The following RPH3A variants were observed in gnomAD, a reference collection of about 807,000 sequenced individuals.
The protein encoded by RPH3A is rabphilin 3A.
In RPH3A, 48 loss-of-function variants were observed where a neutral mutation model predicts 102.2. The observed-to-expected ratio is 0.47, with a 90% CI of 0.37 to 0.60. The LOEUF is 0.60. RPH3A is among the 20% of genes least tolerant of loss of function. RPH3A has a pLI of 0.00. For synonymous variants in RPH3A, 310 were observed against 324.3 expected (o/e 0.96, Z 0.47); for missense variants, 781 against 910.1 (o/e 0.86, Z 1.83).
chr12:112,897,107 A>T lies in RPH3A; in HGVS notation c.*327A>T. 3.6e-6 allele frequency: 1 copy of T among 280,390 alleles called. No homozygotes were observed. The highest frequency in any genetic ancestry group is 4.6e-5 in the South Asian group (1 of 21,568). 17.4% of individuals were successfully genotyped at this position (280,390 alleles called of 1,614,324 possible). Reference sequence around the variant, plus strand: ...TTACAAAGGTTCTTCATCATTTAGGACTGTTTTTAGACCCTCCTAGCCTTG... The same window carrying T: ...TTACAAAGGTTCTTCATCATTTAGGTCTGTTTTTAGACCCTCCTAGCCTTG... On this transcript the variant is annotated 3_prime_UTR_variant, in exon 22 of 22. Transcript: ENST00000389385.
At chr12:112,870,543 A>G (rs2042691268) in intron 10 of RPH3A, among the ~76,000 whole-genome samples, 1 of 152,076 alleles carries the variant, frequency 6.6e-6, no homozygotes. Context: ...GCCCATTGGT[A>G]GGGGTCATGG....
intron 1 of RPH3A, among the ~76,000 whole-genome samples, chr12:112,716,990 A>G (rs1341231445): frequency 2.0e-5 from 3 of 152,100 alleles, no homozygotes; most frequent in Admixed American, 2.0e-4. Context: ...GCAAACATCA[A>G]TCGCTGTGGA....
intron 1 of RPH3A, among the ~76,000 whole-genome samples, chr12:112,656,834 C>A (rs1040336134): frequency 6.6e-6 from 1 of 151,440 alleles, no homozygotes; most frequent in Admixed American, 6.6e-5. Context: ...TCCACATTTT[C>A]TTTATCCAAT....
chr12:112,894,766 C>T (rs1379707255), intron 20 of RPH3A, 107 bp downstream of exon 20: 7 of 879,524 alleles, frequency 8.0e-6, no homozygotes, highest in Non-Finnish European at 1.0e-5. Context: ...CCATTAAATG[C>T]AGCCATTTGA....
At chr12:112,751,757 T>C (rs1179936275) in intron 1 of RPH3A, among the ~76,000 whole-genome samples, 2 of 152,168 alleles carry the variant, frequency 1.3e-5, no homozygotes, top group Non-Finnish European at 2.9e-5. Flanking sequence ...TCCTATTTTT[T>C]AGAAAAGGTT....
chr12:112,608,495 T>C (rs747539067), intron 1 of RPH3A, among the ~76,000 whole-genome samples: 9 of 152,236 alleles, frequency 5.9e-5, no homozygotes, highest in Non-Finnish European at 1.2e-4. Flanking sequence ...TCATATATTG[T>C]GCTTTGGGGG....
chr12:112,786,764 T>G (rs2041054738), upstream of RPH3A, among the ~76,000 whole-genome samples: 1 of 152,222 alleles, frequency 6.6e-6, no homozygotes, highest in Admixed American at 6.5e-5. Context: ...CTTCTTAATG[T>G]AGGGTCCCCT....
intron 1 of RPH3A, among the ~76,000 whole-genome samples, chr12:112,772,186 C>T (rs1414541029): frequency 1.3e-5 from 2 of 152,174 alleles, no homozygotes; most frequent in African/African-American, 4.8e-5. Context: ...TGTTCTGATG[C>T]AAATCCATGT....
At chr12:112,864,880 G>A (rs2269872) in intron 5 of RPH3A, among the ~76,000 whole-genome samples, 47,139 of 152,020 alleles carry the variant, frequency 0.31, 8,215 homozygotes, top group East Asian at 0.49. Flanking sequence ...GTCATTGAAT[G>A]TCAGGAGAGG....
chr12:112,814,305 A>G (rs1293505135), intron 2 of RPH3A, among the ~76,000 whole-genome samples: 1 of 152,094 alleles, frequency 6.6e-6, no homozygotes, highest in African/African-American at 2.4e-5. Context: ...TTTTAACCAC[A>G]TATAAGAGAG....
rs1475422966 is a variant in RPH3A, at chr12:112,713,056, T to C, written c.-139-79087T>C. On this transcript the variant is annotated intron_variant, in intron 1 of 21. Coordinates refer to the RPH3A transcript ENST00000543106. ...CTTCTTCTTCTTCTTCTTCTCCTTCTTCTTCTTCTTCTTCTTCTTCTTCTT... is the reference window on the plus strand; with the variant it reads ...CTTCTTCTTCTTCTTCTTCTCCTTCCTCTTCTTCTTCTTCTTCTTCTTCTT... Among the ~76,000 whole-genome samples, 15 of 85,948 alleles carry C rather than the reference T, an allele frequency of 1.7e-4. 1 individual carries two copies. The highest frequency in any genetic ancestry group is 4.5e-4 in the African/African-American group (14 of 31,086). 56.4% of individuals were successfully genotyped at this position (85,948 alleles called of 152,430 possible).
chr12:112,829,055 A>G (rs1001493566), intron 3 of RPH3A, among the ~76,000 whole-genome samples: 2 of 152,194 alleles, frequency 1.3e-5, no homozygotes, highest in African/African-American at 4.8e-5. Context: ...TACTTTGGGC[A>G]TTTCTGTTAC....
At position 112,709,244 on chromosome 12, in the gene RPH3A, A is replaced by G. The variant is rs1465645115; in HGVS notation, c.-139-82899A>G. 7.2e-5 allele frequency among the ~76,000 whole-genome samples: 11 copies of G among 152,354 alleles called. No homozygotes were observed. In the East Asian group the frequency reaches 2.1e-3, roughly 29 times the overall value. ...AGTAAATACTTTTAATAATAAAAGT[A>G]GCTATTTAAAAATATTTACTCTTGG... On this transcript the variant is annotated intron_variant, in intron 1 of 21. Coordinates refer to the RPH3A transcript ENST00000543106.
At chr12:112,588,723 C>T (rs1474869739) in intron 1 of RPH3A, among the ~76,000 whole-genome samples, 1 of 152,220 alleles carries the variant, frequency 6.6e-6, no homozygotes, top group African/African-American at 2.4e-5. Flanking sequence ...TTCTCCAAGG[C>T]CAGTTAAGCC....
Position 112,841,173 on chromosome 12 carries a change from T to TAAAAA in RPH3A, c.83+4688_83+4692dup, listed in dbSNP as rs11447068. ...GGCAACATAACAAGACCTTGTTTCT[T>TAAAAA]AAAAAAAAAAAAAAAAAAAAAGCCT... On this transcript the variant is annotated intron_variant, in intron 4 of 21. Transcript: ENST00000389385. Among the ~76,000 whole-genome samples the TAAAAA allele has an allele frequency of 3.3e-4, 11 of 33,350 alleles. 1 individual carries two copies. The highest frequency in any genetic ancestry group is 8.3e-4 in the African/African-American group (6 of 7,222). 21.9% of individuals were successfully genotyped at this position (33,350 alleles called of 152,430 possible).
chr12:112,777,228 G>A (rs1441528715), intron 1 of RPH3A, among the ~76,000 whole-genome samples: 1 of 152,186 alleles, frequency 6.6e-6, no homozygotes, highest in Non-Finnish European at 1.5e-5. Flanking sequence ...AGGTTTACAG[G>A]AGGCACTCAG....
Position 112,854,285 on chromosome 12 carries a change from T to G in RPH3A, c.230+6443T>G, listed in dbSNP as rs375426629. Among the ~76,000 whole-genome samples, 37 of 152,356 alleles carry G rather than the reference T, an allele frequency of 2.4e-4. 1 individual carries two copies. Among genetic ancestry groups the G allele is most frequent in the South Asian group, 1.9e-3 (9 of 4,830 alleles). ...TTGAGAACCACTGCTCTAGCCCTTTTGTTGGTGGAGAAGGAATGGGAGATG... is the reference window on the plus strand; with the variant it reads ...TTGAGAACCACTGCTCTAGCCCTTTGGTTGGTGGAGAAGGAATGGGAGATG... On this transcript the variant is annotated intron_variant, in intron 5 of 21. Transcript: ENST00000389385.
chr12:112,831,660 A>G (rs1216308838), intron 3 of RPH3A: 7 of 345,478 alleles, frequency 2.0e-5, no homozygotes, highest in Non-Finnish European at 5.8e-6. Context: ...CCTGAAGTAC[A>G]GCTTTTCATT....
intron 1 of RPH3A, among the ~76,000 whole-genome samples, chr12:112,633,492 A>C (rs960603764): frequency 6.6e-6 from 1 of 152,070 alleles, no homozygotes; most frequent in African/African-American, 2.4e-5. Flanking sequence ...TGGCCTTATA[A>C]GAAGAGGAAG....
Sources: gnomAD v4.1 joint callset for allele counts (sites outside exome capture counted in the v4.1 genomes callset) on GRCh38, gnomAD v4.1.1 for gene constraint, MANE v1.5 for transcripts, NCBI Gene and HGNC (gene_info 2026-07-23, HGNC 2026-07-21) for gene names.